The following SOX6 variants were observed in gnomAD, a reference collection of about 807,000 sequenced individuals.
SOX6 encodes SRY-box transcription factor 6.
In SOX6, 11 loss-of-function variants were observed where a neutral mutation model predicts 97.8. That is an observed-to-expected ratio of 0.11 (90% CI 0.07 to 0.19). The LOEUF (loss-of-function observed/expected upper bound fraction) is 0.19. Among genes scored for constraint, SOX6 ranks in the 10% least tolerant of loss-of-function variants. The probability of loss-of-function intolerance (pLI) is 1.00; values close to 1 mark genes in which losing one functional copy is unlikely to be tolerated. For synonymous variants in SOX6, 360 were observed against 371.4 expected (o/e 0.97, Z 0.35); for missense variants, 810 against 1,039.5 (o/e 0.78, Z 3.04).
chr11:16,412,269 A>G (rs1005138799), intron 1 of SOX6, among the ~76,000 whole-genome samples: 1 of 152,226 alleles, frequency 6.6e-6, no homozygotes, highest in African/African-American at 2.4e-5. Context: ...CATAAAACCC[A>G]TACTCCTTTA....
intron 3 of SOX6, among the ~76,000 whole-genome samples, chr11:16,655,276 G>A (rs1194889754): frequency 6.6e-6 from 1 of 152,138 alleles, no homozygotes; most frequent in Admixed American, 6.5e-5. Flanking sequence ...AGAGAACTAA[G>A]TGCCCATACT....
intron 12 of SOX6, among the ~76,000 whole-genome samples, chr11:16,027,615 C>T (rs1855248150): frequency 6.6e-6 from 1 of 152,130 alleles, no homozygotes; most frequent in South Asian, 2.1e-4. Context: ...AGTCATGTCT[C>T]AATATAAGTA....
At chr11:16,102,944 A>T (rs1338363425) in intron 7 of SOX6, among the ~76,000 whole-genome samples, 2 of 152,042 alleles carry the variant, frequency 1.3e-5, no homozygotes, top group African/African-American at 4.8e-5. Flanking sequence ...ATTGGAAAAA[A>T]CCCTTCTAGA....
At chr11:16,580,320 G>A (rs1848020742) in intron 4 of SOX6, among the ~76,000 whole-genome samples, 1 of 151,998 alleles carries the variant, frequency 6.6e-6, no homozygotes, top group Admixed American at 6.6e-5. Context: ...AGCAAGATAT[G>A]TTCTAGTAAT....
chr11:16,140,866 G>C (rs557745535), intron 6 of SOX6, among the ~76,000 whole-genome samples: 38 of 152,258 alleles, frequency 2.5e-4, no homozygotes, highest in Non-Finnish European at 4.7e-4. Flanking sequence ...TTCAATTTAA[G>C]GATGATCAGA....
chr11:16,179,836 A>C (rs1055410386), intron 6 of SOX6, among the ~76,000 whole-genome samples: 1 of 151,898 alleles, frequency 6.6e-6, no homozygotes, highest in African/African-American at 2.4e-5. Context: ...CTGCCTATAT[A>C]GCTCACAATA....
chr11:16,436,628 T>A (rs1218875735), intron 1 of SOX6, among the ~76,000 whole-genome samples: 1 of 152,172 alleles, frequency 6.6e-6, no homozygotes, highest in African/African-American at 2.4e-5. Context: ...GGCAAAATAG[T>A]TAATCTTTCT....
At chr11:16,714,710 A>C (rs1317260533) in intron 3 of SOX6, 1 of 152,198 alleles carries the variant, frequency 6.6e-6, no homozygotes, top group Non-Finnish European at 1.5e-5. Flanking sequence ...TCGGCCTCCC[A>C]AAGTGCTGGG....
At chr11:16,715,093 T>C (rs1848210698) in intron 2 of SOX6, among the ~76,000 whole-genome samples, 1 of 152,156 alleles carries the variant, frequency 6.6e-6, no homozygotes, top group African/African-American at 2.4e-5. Flanking sequence ...CCCATTCTGT[T>C]ATGGAAAGCC....
At chr11:16,691,508 A>G (rs1848013103) in intron 3 of SOX6, among the ~76,000 whole-genome samples, 1 of 152,202 alleles carries the variant, frequency 6.6e-6, no homozygotes, top group South Asian at 2.1e-4. Context: ...TAAAGAAGGG[A>G]AAAAACTGGC....
At chr11:16,407,104 A>G (rs1020672943) in intron 1 of SOX6, among the ~76,000 whole-genome samples, 2 of 152,164 alleles carry the variant, frequency 1.3e-5, no homozygotes, top group African/African-American at 2.4e-5. Flanking sequence ...TTCCACTGAC[A>G]GAAGCAGCTA....
chr11:16,554,922 G>A lies in SOX6; in HGVS notation n.609+57159C>T, dbSNP rs187875171. 2.2e-3 allele frequency among the ~76,000 whole-genome samples: 334 copies of A among 151,932 alleles called. 1 individual carries two copies. The highest frequency in any genetic ancestry group is 7.7e-3 in the African/African-American group (320 of 41,480). On this transcript the variant is annotated intron_variant and non_coding_transcript_variant, in intron 4 of 5. Coordinates refer to the SOX6 transcript ENST00000524520. ...TTGCATGTAGTGATATAATGACAGG[G>A]GAAAAAGTAATTATAATTAGGTACC... is the stretch of plus-strand genomic sequence containing the variant.
rs572154333 is a variant in SOX6 at position 16,133,381 on chromosome 11, T to G, written c.778-21458A>C. Among the ~76,000 whole-genome samples, 3 of 152,304 alleles carry G rather than the reference T, an allele frequency of 2.0e-5. No individual in the cohort carries two copies. The South Asian group carries it at 6.2e-4, about 32-fold the overall frequency. ...GTAGGTGTATGTGACTTGAGAATCA[T>G]CAAACCATGTTTGTGAGTGTAGGTA... is the stretch of plus-strand genomic sequence containing the variant. On this transcript the variant is annotated intron_variant, in intron 6 of 15. Transcript: ENST00000683767.
At chr11:16,305,330 T>C (rs1855394701) in intron 3 of SOX6, among the ~76,000 whole-genome samples, 1 of 152,222 alleles carries the variant, frequency 6.6e-6, no homozygotes, top group Non-Finnish European at 1.5e-5. Context: ...TCATTAGCCA[T>C]AGCATAAATG....
intron 4 of SOX6, among the ~76,000 whole-genome samples, chr11:16,524,077 GA>G (rs1303948776): frequency 1.3e-5 from 2 of 152,142 alleles, no homozygotes; most frequent in African/African-American, 2.4e-5. Flanking sequence ...CATTCCTTCT[GA>G]AACTATTCCA....
At chr11:16,444,174 C>G (rs1253679289) in intron 1 of SOX6, among the ~76,000 whole-genome samples, 1 of 151,422 alleles carries the variant, frequency 6.6e-6, no homozygotes, top group Non-Finnish European at 1.5e-5. Context: ...TTTTTTCTGT[C>G]AAAATCCCTT....
chr11:16,071,245 T>C (rs1294697061), intron 9 of SOX6, among the ~76,000 whole-genome samples: 2 of 151,922 alleles, frequency 1.3e-5, no homozygotes, highest in Non-Finnish European at 2.9e-5. Context: ...CAGCTGTAAC[T>C]TCCTCTTGTC....
chr11:16,287,313 C>CAG (rs1854783455), intron 3 of SOX6, among the ~76,000 whole-genome samples: 1 of 150,976 alleles, frequency 6.6e-6, no homozygotes, highest in Non-Finnish European at 1.5e-5. Flanking sequence ...CACACACACA[C>CAG]ACACACACAC....
chr11:16,074,747 T>G (rs1408086100), intron 9 of SOX6, among the ~76,000 whole-genome samples: 2 of 152,210 alleles, frequency 1.3e-5, no homozygotes, highest in Non-Finnish European at 2.9e-5. Flanking sequence ...AAACATTCCT[T>G]GCTCATGGAT....
Sources: allele counts gnomAD v4.1 joint callset (sites outside exome capture counted in the v4.1 genomes callset), GRCh38; gene constraint gnomAD v4.1.1; transcripts MANE v1.5; gene names NCBI Gene and HGNC (gene_info 2026-07-23, HGNC 2026-07-21).